The following NDUFAF5 variants were observed in gnomAD, a reference collection of about 807,000 sequenced individuals.
NDUFAF5 encodes the protein arginine-hydroxylase NDUFAF5, mitochondrial.
NDUFAF5 carries 34 observed loss-of-function variants against 48.9 expected under a neutral mutation model. The ratio of observed to expected loss-of-function variants is 0.70; its 90% CI spans 0.53 to 0.93. NDUFAF5 has a LOEUF of 0.93. NDUFAF5 is among the 40% of genes least tolerant of loss of function. NDUFAF5 has a pLI of 0.00. For synonymous variants in NDUFAF5, 153 were observed against 150.6 expected, an observed-to-expected ratio of 1.02 and a Z score of -0.12; for missense variants, 428 against 427.5, an observed-to-expected ratio of 1.00 and a Z score of -0.01.
intron 7 of NDUFAF5, among the ~76,000 whole-genome samples, chr20:13,806,444 G>C (rs2147581661): frequency 6.6e-6 from 1 of 152,324 alleles, no homozygotes; most frequent in South Asian, 2.1e-4. Context: ...GGGAGGCGGA[G>C]GTTGCAGTGA....
chr20:13,789,110 T>G (rs574897967), intron 3 of NDUFAF5, among the ~76,000 whole-genome samples: 1 of 152,368 alleles, frequency 6.6e-6, no homozygotes, highest in South Asian at 2.1e-4. Context: ...AGACATTAAT[T>G]TATTCTTTTA....
Position 13,794,849 on chromosome 20 carries a change from A to C in NDUFAF5, c.387A>C (p.Ser129=). The C allele has an allele frequency of 6.2e-7, 1 of 1,607,690 alleles. No homozygotes were observed. Among genetic ancestry groups the C allele is most frequent in the East Asian group, 2.2e-5 (1 of 44,844 alleles). ...DIAENALKNS[S]ETEIPTVSVL... ...TTTCTTAACATTAGAAAAATTCCTCAGAAACAGAAATACCTACTGTCAGCG... is the reference window on the plus strand; with the variant it reads ...TTTCTTAACATTAGAAAAATTCCTCCGAAACAGAAATACCTACTGTCAGCG... Residue 129 remains serine (S), a synonymous_variant, in exon 5 of 11, where the codon TCA becomes TCC. Transcript: ENST00000378106.
At position 13,808,995 on chromosome 20, in the gene NDUFAF5, A is replaced by G. The variant is rs1600380115; in HGVS notation, c.778+93A>G. On this transcript the variant is annotated intron_variant, in intron 8 of 10. Coordinates refer to ENST00000378106, the MANE Select transcript of NDUFAF5 (RefSeq NM_024120.5). ...CTCCATTTGAGAGAAACATTTTGAG[A>G]GCCAGCTCTTTGGCAGGCACTGGGC... 3.2e-5 allele frequency: 27 copies of G among 855,416 alleles called. 1 individual carries two copies. The East Asian group carries it at 6.4e-4, about 20-fold the overall frequency. The allele number at this position is 855,416 out of a possible 1,614,324, so 53.0% of individuals were successfully genotyped here. A position where few individuals can be genotyped will look rare whatever the true frequency, so the allele number is the denominator to read the frequency against.
At chr20:13,791,978 C>G (rs1048074961) in intron 3 of NDUFAF5, among the ~76,000 whole-genome samples, 1 of 152,208 alleles carries the variant, frequency 6.6e-6, no homozygotes, top group Non-Finnish European at 1.5e-5. Context: ...GACATCAGCC[C>G]TGGTGGGAAT....
chr20:13,820,292 A>G lies in NDUFAF5; in HGVS notation c.*3082A>G, dbSNP rs1986893231. The G allele has an allele frequency of 6.6e-6, 1 of 152,248 alleles. No homozygotes were observed. Among genetic ancestry groups the G allele is most frequent in the Non-Finnish European group, 1.5e-5 (1 of 68,050 alleles). 9.4% of individuals were successfully genotyped at this position (152,248 alleles called of 1,614,324 possible). A position where few individuals can be genotyped will look rare whatever the true frequency, so the allele number is the denominator to read the frequency against. ...TTGTAAAAAGTTACAGAAGTGTGTGAGTCATGAAGTACCTGTGAGGGAAGT... is the reference window on the plus strand; with the variant it reads ...TTGTAAAAAGTTACAGAAGTGTGTGGGTCATGAAGTACCTGTGAGGGAAGT... On this transcript the variant is annotated 3_prime_UTR_variant, in exon 11 of 11. Transcript: ENST00000378106.
At position 13,798,470 on chromosome 20, in the gene NDUFAF5, G is replaced by A. The variant is rs1568760224; in HGVS notation, c.489G>A (p.Trp163Ter). 2 of 1,610,852 alleles carry A rather than the reference G, an allele frequency of 1.2e-6. No individual in the cohort carries two copies. Among genetic ancestry groups the A allele is most frequent in the Non-Finnish European group, 1.7e-6 (2 of 1,177,366 alleles). Residue 163 changes from tryptophan to a stop codon, truncating the protein, a stop_gained, in exon 6 of 11, where the codon TGG becomes TGA. Transcript: ENST00000378106. LOFTEE classifies it high-confidence loss of function. The stretch of plus-strand genomic sequence containing the variant: ...TATTCTCATATTTTAGTTTGCATTG[G>A]GTGAATGACCTTCCTAGAGCACTTG... ...DLVVSSLSLH[W>*]VNDLPRALEQ...
chr20:13,787,680 C>T (rs117912240), intron 2 of NDUFAF5, among the ~76,000 whole-genome samples: 2,516 of 152,222 alleles, frequency 0.017, 17 homozygotes, highest in Non-Finnish European at 0.024. Context: ...ACATCCGAAG[C>T]CTCTGTACCT....
At position 13,817,901 on chromosome 20, in the gene NDUFAF5, T is replaced by G. The variant is rs1015124117; in HGVS notation, c.*691T>G. The G allele has an allele frequency of 6.6e-6, 3 of 454,072 alleles. No individual in the cohort carries two copies. The highest frequency in any genetic ancestry group is 1.3e-5 in the Non-Finnish European group (3 of 226,772). 28.1% of individuals were successfully genotyped at this position (454,072 alleles called of 1,614,324 possible). A position where few individuals can be genotyped will look rare whatever the true frequency, so the allele number is the denominator to read the frequency against. On this transcript the variant is annotated 3_prime_UTR_variant, in exon 11 of 11. Coordinates refer to ENST00000378106, the MANE Select transcript of NDUFAF5 (RefSeq NM_024120.5). Reference sequence around the variant, plus strand: ...ACAGTCCTGTTGTTGTCGAGGAGGGTTCAAAATCATTTGGAGATAATCAAG... The same window carrying G: ...ACAGTCCTGTTGTTGTCGAGGAGGGGTCAAAATCATTTGGAGATAATCAAG...
At chr20:13,796,571 C>T (rs960828510) in intron 5 of NDUFAF5, among the ~76,000 whole-genome samples, 1 of 152,178 alleles carries the variant, frequency 6.6e-6, no homozygotes, top group African/African-American at 2.4e-5. Flanking sequence ...TGTCCTGGAA[C>T]TCAGCATAAG....
At chr20:13,806,614 A>G (rs538082415) in intron 7 of NDUFAF5, among the ~76,000 whole-genome samples, 1 of 152,338 alleles carries the variant, frequency 6.6e-6, no homozygotes, top group African/African-American at 2.4e-5. Flanking sequence ...TGAAGTGGAG[A>G]TAGTGCTTTT....
chr20:13,795,255 G>A (rs2147518320), intron 5 of NDUFAF5, among the ~76,000 whole-genome samples: 1 of 152,278 alleles, frequency 6.6e-6, no homozygotes, highest in South Asian at 2.1e-4. Context: ...GGGAGCAGGA[G>A]TTTGAAAGAG....
rs538212507 is a variant in NDUFAF5 at position 13,820,227 on chromosome 20, G to A, written c.*3017G>A. ...ATAGGAAGAATTTGTAGGATTTATT[G>A]AGATGTAAGCTACCTATATACATCA... On this transcript the variant is annotated 3_prime_UTR_variant, in exon 11 of 11. Coordinates refer to ENST00000378106, the MANE Select transcript of NDUFAF5 (RefSeq NM_024120.5). 1.3e-5 allele frequency: 2 copies of A among 152,316 alleles called. No individual in the cohort carries two copies. The highest frequency in any genetic ancestry group is 4.8e-5 in the African/African-American group (2 of 41,570). The allele number at this position is 152,316 out of a possible 1,614,324, so 9.4% of individuals were successfully genotyped here.
In NDUFAF5 at chr20:13,788,754, A is replaced by G. The variant is rs1011656264; in HGVS notation, c.327+102A>G. On this transcript the variant is annotated intron_variant, in intron 3 of 10. Transcript: ENST00000378106. ...TTAGCTTGCAACATATTTAGATTTT[A>G]ATTATATCAGAATTGTTAATTTGTT... 4.0e-6 allele frequency: 3 copies of G among 746,744 alleles called. No homozygotes were observed. The South Asian group carries it at 4.9e-5, about 12-fold the overall frequency. 46.3% of individuals were successfully genotyped at this position (746,744 alleles called of 1,614,324 possible). A position where few individuals can be genotyped will look rare whatever the true frequency, so the allele number is the denominator to read the frequency against.
At chr20:13,805,886 C>T (rs1279628107) in intron 7 of NDUFAF5, among the ~76,000 whole-genome samples, 1 of 151,994 alleles carries the variant, frequency 6.6e-6, no homozygotes, top group East Asian at 1.9e-4. Context: ...ATGATCTCAC[C>T]ACTGCACTCC....
intron 3 of NDUFAF5, 142 bp downstream of exon 3, chr20:13,788,794 G>A (rs1464775285): frequency 6.7e-6 from 4 of 600,572 alleles, no homozygotes; most frequent in Non-Finnish European, 1.2e-5. Flanking sequence ...TTTTTAAGTG[G>A]TAGAATCAAT....
chr20:13,793,269 G>A (rs1398911099), intron 4 of NDUFAF5, 42 bp downstream of exon 4: 1 of 1,455,168 alleles, frequency 6.9e-7, no homozygotes, highest in Non-Finnish European at 9.6e-7. Context: ...ATCTCGTGAT[G>A]TGTTTTCTCA....
In NDUFAF5 at chr20:13,785,306, G is replaced by A. The variant is rs770735843; in HGVS notation, c.222+16G>A. ...GAAGGAGGAGGTGAGCCCGCGGGGC[G>A]GCGGGGCGGCGGGGCGGGCGACGCG... On this transcript the variant is annotated intron_variant, in intron 1 of 10. Coordinates refer to ENST00000378106, the MANE Select transcript of NDUFAF5 (RefSeq NM_024120.5). 142 of 1,569,420 alleles carry A rather than the reference G, an allele frequency of 9.0e-5. No homozygotes were observed. Among genetic ancestry groups the A allele is most frequent in the Non-Finnish European group, 1.2e-4 (136 of 1,151,324 alleles).
intron 4 of NDUFAF5, among the ~76,000 whole-genome samples, chr20:13,794,515 A>G (rs1399045945): frequency 3.9e-5 from 6 of 152,158 alleles, no homozygotes; most frequent in Non-Finnish European, 7.4e-5. Context: ...CCTGACTTTC[A>G]GTGACTGCCC....
At chr20:13,800,075 G>A (rs1425042625) in intron 6 of NDUFAF5, among the ~76,000 whole-genome samples, 1 of 152,162 alleles carries the variant, frequency 6.6e-6, no homozygotes, top group East Asian at 1.9e-4. Context: ...TGAGTATGCT[G>A]AGAGACAAAT....
Sources: gnomAD v4.1 joint callset for allele counts (sites outside exome capture counted in the v4.1 genomes callset) on GRCh38, gnomAD v4.1.1 for gene constraint, MANE v1.5 for transcripts, NCBI Gene and HGNC (gene_info 2026-07-23, HGNC 2026-07-21) for gene names.